Variants in TESK2 observed in about 807,000 individuals in gnomAD.
TESK2 encodes the protein testis associated actin remodelling kinase 2, also known as dual specificity testis-specific protein kinase 2.
TESK2 carries 39 observed loss-of-function variants against 57.1 expected under a neutral mutation model. The ratio of observed to expected loss-of-function variants is 0.68; its 90% CI spans 0.53 to 0.89. The LOEUF (loss-of-function observed/expected upper bound fraction) is 0.89. Among genes scored for constraint, TESK2 ranks in the 40% least tolerant of loss-of-function variants. TESK2 has a pLI of 0.00. For synonymous variants in TESK2, 249 were observed against 267.9 expected, an observed-to-expected ratio of 0.93 and a Z score of 0.69; for missense variants, 646 against 732.1, an observed-to-expected ratio of 0.88 and a Z score of 1.36.
chr1:45,474,853 G>A (rs536217973), intron 1 of TESK2, among the ~76,000 whole-genome samples: 5 of 151,186 alleles, frequency 3.3e-5, no homozygotes, highest in East Asian at 1.9e-4. Context: ...TTTATATGCT[G>A]GAATATGAAA....
At chr1:45,358,006 TAA>T (rs760610185) in intron 4 of TESK2, among the ~76,000 whole-genome samples, 10 of 24,274 alleles carry the variant, frequency 4.1e-4, no homozygotes, top group South Asian at 1.4e-3. Flanking sequence ...AAACTCCGTC[TAA>T]AAAAAAAAAA....
At chr1:45,363,452 G>A (rs1647778372) in intron 4 of TESK2, among the ~76,000 whole-genome samples, 1 of 152,094 alleles carries the variant, frequency 6.6e-6, no homozygotes, top group Non-Finnish European at 1.5e-5. Flanking sequence ...TTACTTGTAG[G>A]ATAAAACCCA....
rs572983597 is a variant in TESK2 at position 45,404,316 on chromosome 1, T to C, written c.344+17409A>G. Among the ~76,000 whole-genome samples, 12 of 152,224 alleles carry C rather than the reference T, an allele frequency of 7.9e-5. 1 individual carries two copies. In the South Asian group the frequency reaches 8.3e-4, roughly 11 times the overall value. On this transcript the variant is annotated intron_variant, in intron 3 of 10. Transcript: ENST00000372086. ...ATAAATATTAGAGTACTTGAAATTT[T>C]TGTAATGCCTGTCACATATATATTA...
intron 1 of TESK2, among the ~76,000 whole-genome samples, chr1:45,461,184 A>C (rs1652316660): frequency 6.6e-6 from 1 of 151,892 alleles, no homozygotes; most frequent in Non-Finnish European, 1.5e-5. Context: ...AAACATCAGG[A>C]ATTTTAAAAG....
intron 1 of TESK2, among the ~76,000 whole-genome samples, chr1:45,465,585 G>C (rs1474694117): frequency 6.6e-6 from 1 of 152,174 alleles, no homozygotes; most frequent in Non-Finnish European, 1.5e-5. Context: ...TAGGAGTCTT[G>C]TTAGAAGTTT....
chr1:45,351,756 G>A (rs1317884421), intron 5 of TESK2, among the ~76,000 whole-genome samples: 2 of 152,200 alleles, frequency 1.3e-5, no homozygotes, highest in African/African-American at 4.8e-5. Context: ...CTGGAACCCA[G>A]AATCTCAGCT....
chr1:45,400,712 T>C (rs913677674), intron 3 of TESK2, among the ~76,000 whole-genome samples: 3 of 152,120 alleles, frequency 2.0e-5, no homozygotes, highest in Non-Finnish European at 4.4e-5. Context: ...CCTCAAACTT[T>C]ATTACCTAAA....
intron 4 of TESK2, among the ~76,000 whole-genome samples, chr1:45,360,270 C>CAT (rs1647626633): frequency 6.6e-6 from 1 of 152,116 alleles, no homozygotes; most frequent in South Asian, 2.1e-4. Context: ...GTGAAGCTGA[C>CAT]ATCTAATCAT....
chr1:45,482,436 G>A (rs1653265338), intron 1 of TESK2, among the ~76,000 whole-genome samples: 1 of 152,072 alleles, frequency 6.6e-6, no homozygotes. Context: ...ACTGAGATGG[G>A]AGGATGGCTT....
intron 3 of TESK2, chr1:45,413,745 C>T: frequency 2.3e-6 from 1 of 438,104 alleles, no homozygotes; most frequent in South Asian, 1.6e-5. Context: ...ACTCAGCCAC[C>T]TCCCATACCC....
intron 2 of TESK2, among the ~76,000 whole-genome samples, chr1:45,435,562 A>ATTTTTT (rs750074178): frequency 1.5e-5 from 1 of 68,888 alleles, no homozygotes; most frequent in African/African-American, 7.0e-5. Context: ...CTGTGGTCTA[A>ATTTTTT]TTTTTTTTTT....
intron 2 of TESK2, among the ~76,000 whole-genome samples, chr1:45,457,167 T>C (rs1570749900): frequency 6.6e-6 from 1 of 152,060 alleles, no homozygotes; most frequent in Admixed American, 6.6e-5. Context: ...TATGTGGGTG[T>C]GTGTATATAT....
chr1:45,464,472 T>C (rs988117187), intron 1 of TESK2, among the ~76,000 whole-genome samples: 1 of 151,906 alleles, frequency 6.6e-6, no homozygotes, highest in African/African-American at 2.4e-5. Flanking sequence ...GATCTTTCAC[T>C]TATTTGGTTA....
chr1:45,470,901 A>C (rs1262868782), intron 1 of TESK2, among the ~76,000 whole-genome samples: 1 of 152,180 alleles, frequency 6.6e-6, no homozygotes, highest in Non-Finnish European at 1.5e-5. Context: ...GTGTAAACGA[A>C]GGCATTAAGG....
intron 4 of TESK2, among the ~76,000 whole-genome samples, chr1:45,356,709 G>A (rs1326726402): frequency 6.6e-6 from 1 of 151,700 alleles, no homozygotes; most frequent in Non-Finnish European, 1.5e-5. Context: ...AGGTGGAAAT[G>A]ATCTAAATAG....
intron 1 of TESK2, among the ~76,000 whole-genome samples, chr1:45,466,476 AAAAAAC>A (rs1284920550): frequency 4.0e-5 from 6 of 151,548 alleles, no homozygotes; most frequent in Admixed American, 2.6e-4. Flanking sequence ...TCCGTCTCAA[AAAAAAC>A]AAAAACAAAA....
At position 45,417,978 on chromosome 1, in the gene TESK2, G is replaced by GGAAT. The variant is rs1196519471; in HGVS notation, c.344+3743_344+3746dup. On this transcript the variant is annotated intron_variant, in intron 3 of 10. Transcript: ENST00000372086. ...GTATATCTAAAGATTTTGCTGTAAT[G>GGAAT]GAATAAAATTTATTTAAAGTCAACT... Among the ~76,000 whole-genome samples, 4 of 152,202 alleles carry GGAAT rather than the reference G, an allele frequency of 2.6e-5. No homozygotes were observed. In the East Asian group the frequency reaches 7.7e-4, roughly 29 times the overall value.
rs189710175 is a variant in TESK2, at chr1:45,439,948, C to T, written c.222+17616G>A. ...ACTCCAGCCTGGGCAACAAAGCAAG[C>T]GCCCCCCCACTGCCACTTTTTTTTT... On this transcript the variant is annotated intron_variant, in intron 2 of 10. Transcript: ENST00000372086. 5.6e-4 allele frequency among the ~76,000 whole-genome samples: 85 copies of T among 151,098 alleles called. No individual in the cohort carries two copies. The East Asian group carries it at 0.013, about 22-fold the overall frequency.
intron 2 of TESK2, among the ~76,000 whole-genome samples, chr1:45,455,067 G>A (rs2149299043): frequency 6.6e-6 from 1 of 152,240 alleles, no homozygotes; most frequent in Non-Finnish European, 1.5e-5. Flanking sequence ...GCATTAATCA[G>A]GCCGCACTTT....
Sources: allele counts gnomAD v4.1 joint callset (sites outside exome capture counted in the v4.1 genomes callset), GRCh38; gene constraint gnomAD v4.1.1; transcripts MANE v1.5; gene names NCBI Gene and HGNC (gene_info 2026-07-23, HGNC 2026-07-21).